The following UNC5C variants were observed in gnomAD, a reference collection of about 807,000 sequenced individuals.
The protein encoded by UNC5C is unc-5 netrin receptor C, also known as netrin receptor UNC5C.
UNC5C carries 47 observed loss-of-function variants against 99.8 expected under a neutral mutation model. That is an observed-to-expected ratio of 0.47 (90% CI 0.37 to 0.60). The LOEUF is 0.60. UNC5C is among the 20% of genes least tolerant of loss of function. UNC5C has a pLI of 0.00. For synonymous variants in UNC5C, 487 were observed against 452.2 expected, an observed-to-expected ratio of 1.08 and a Z score of -0.98; for missense variants, 1,062 against 1,165.9, an observed-to-expected ratio of 0.91 and a Z score of 1.30.
chr4:95,294,618 G>A (rs922420368), intron 3 of UNC5C, among the ~76,000 whole-genome samples: 10 of 152,156 alleles, frequency 6.6e-5, no homozygotes, highest in Non-Finnish European at 1.5e-4. Flanking sequence ...AGAAGGGGTT[G>A]GAAATTACAG....
At chr4:95,413,088 C>T (rs1440726027) in intron 1 of UNC5C, among the ~76,000 whole-genome samples, 1 of 152,160 alleles carries the variant, frequency 6.6e-6, no homozygotes, top group Non-Finnish European at 1.5e-5. Flanking sequence ...CTCTGATAAA[C>T]TCACCTTCCC....
rs1745449079 is a variant in UNC5C at position 95,394,369 on chromosome 4, A to C, written c.125-58738T>G. Among the ~76,000 whole-genome samples the C allele has an allele frequency of 2.0e-5, 3 of 152,210 alleles. No homozygotes were observed. The South Asian group carries it at 6.2e-4, about 31-fold the overall frequency. On this transcript the variant is annotated intron_variant, in intron 1 of 15. Coordinates refer to ENST00000453304, the MANE Select transcript of UNC5C (RefSeq NM_003728.4). ...TCAGATCCTCCTTATTCTAGAAATA[A>C]AGTGCATCTAATTGGAAAACTCCTC...
chr4:95,379,533 G>A (rs569057449), intron 1 of UNC5C, among the ~76,000 whole-genome samples: 80 of 152,200 alleles, frequency 5.3e-4, no homozygotes, highest in Admixed American at 7.2e-4. Flanking sequence ...TTCCCCAAGC[G>A]GAGTATCCTG....
At chr4:95,486,497 TC>T (rs1179397349) in intron 1 of UNC5C, among the ~76,000 whole-genome samples, 2 of 151,634 alleles carry the variant, frequency 1.3e-5, no homozygotes, top group Non-Finnish European at 1.5e-5. Context: ...CACACTGGTT[TC>T]CCAAGTATAT....
At chr4:95,226,007 G>A (rs973927450) in intron 7 of UNC5C, among the ~76,000 whole-genome samples, 2 of 152,280 alleles carry the variant, frequency 1.3e-5, no homozygotes, top group African/African-American at 2.4e-5. Flanking sequence ...CATCTGATCC[G>A]TCTCTCACGG....
chr4:95,259,042 T>G (rs2149385706), intron 4 of UNC5C, among the ~76,000 whole-genome samples: 2 of 151,888 alleles, frequency 1.3e-5, no homozygotes, highest in South Asian at 4.2e-4. Context: ...ATTACAGGCG[T>G]GAGCCACCGC....
At chr4:95,177,121 C>T (rs1736394618) in intron 14 of UNC5C, among the ~76,000 whole-genome samples, 1 of 152,212 alleles carries the variant, frequency 6.6e-6, no homozygotes, top group South Asian at 2.1e-4. Context: ...TGCGCGCACC[C>T]ACTGACCTGC....
At chr4:95,222,588 G>A (rs1738511457) in intron 7 of UNC5C, among the ~76,000 whole-genome samples, 1 of 152,068 alleles carries the variant, frequency 6.6e-6, no homozygotes. Context: ...ATTAGCATAA[G>A]GAAAATCTTT....
At chr4:95,299,254 A>G (rs1260818371) in intron 3 of UNC5C, among the ~76,000 whole-genome samples, 1 of 152,204 alleles carries the variant, frequency 6.6e-6, no homozygotes, top group Non-Finnish European at 1.5e-5. Flanking sequence ...CACACAGAGT[A>G]AAGACTATGT....
In UNC5C at chr4:95,548,871, G is replaced by A. The variant is rs780115996; in HGVS notation, c.-14C>T. 12 of 1,612,038 alleles carry A rather than the reference G, an allele frequency of 7.4e-6. No homozygotes were observed. The highest frequency in any genetic ancestry group is 5.3e-5 in the African/African-American group (4 of 74,872). ...ACCTTTCCTCATCGTAGACAGAGGT[G>A]TGCCGGGGGGAGGGGAGGGGGACAG... is the stretch of plus-strand genomic sequence containing the variant. On this transcript the variant is annotated 5_prime_UTR_variant, in exon 1 of 16. Coordinates refer to ENST00000453304, the MANE Select transcript of UNC5C (RefSeq NM_003728.4).
intron 1 of UNC5C, among the ~76,000 whole-genome samples, chr4:95,414,883 T>C (rs1050903828): frequency 2.0e-5 from 3 of 152,228 alleles, no homozygotes; most frequent in Non-Finnish European, 4.4e-5. Flanking sequence ...TGGATAATTA[T>C]GCTGAAAAGA....
chr4:95,422,449 A>G (rs1051477172), intron 1 of UNC5C, among the ~76,000 whole-genome samples: 4 of 152,098 alleles, frequency 2.6e-5, no homozygotes, highest in African/African-American at 9.7e-5. Context: ...TCCCATTTCA[A>G]TTAGGGTCTT....
chr4:95,352,248 G>A (rs1040421908), intron 1 of UNC5C, among the ~76,000 whole-genome samples: 1 of 152,112 alleles, frequency 6.6e-6, no homozygotes, highest in African/African-American at 2.4e-5. Context: ...TCAAGGCCAT[G>A]CTCCAGACAG....
intron 1 of UNC5C, among the ~76,000 whole-genome samples, chr4:95,440,863 A>ATC (rs1746930122): frequency 1.3e-5 from 2 of 152,228 alleles, no homozygotes; most frequent in South Asian, 4.1e-4. Flanking sequence ...TTACATCACA[A>ATC]TTTTCATCTT....
chr4:95,290,913 G>C (rs763190807), intron 3 of UNC5C, among the ~76,000 whole-genome samples: 1 of 152,084 alleles, frequency 6.6e-6, no homozygotes, highest in Non-Finnish European at 1.5e-5. Flanking sequence ...GGTAAGCTTG[G>C]TAATTTCTTC....
chr4:95,205,972 C>G (rs35935682), intron 11 of UNC5C, among the ~76,000 whole-genome samples: 1,806 of 151,650 alleles, frequency 0.012, 23 homozygotes, highest in Admixed American at 0.019. Flanking sequence ...ATGTTTCTGA[C>G]CTGCAAATTA....
chr4:95,294,441 G>A (rs1183874709), intron 3 of UNC5C, among the ~76,000 whole-genome samples: 1 of 152,178 alleles, frequency 6.6e-6, no homozygotes, highest in Non-Finnish European at 1.5e-5. Flanking sequence ...GCTTTGTGAT[G>A]CTGGCTGTGA....
intron 4 of UNC5C, among the ~76,000 whole-genome samples, chr4:95,253,082 A>G (rs1739804135): frequency 6.6e-6 from 1 of 152,152 alleles, no homozygotes; most frequent in African/African-American, 2.4e-5. Context: ...CACATTCTGT[A>G]TAAGGAACAT....
chr4:95,247,907 ATGT>A (rs1420600119), intron 5 of UNC5C: 5 of 152,302 alleles, frequency 3.3e-5, no homozygotes, highest in Admixed American at 3.3e-4. Context: ...TGCATTTCAA[ATGT>A]TGTTAATCAA....
Sources: allele counts gnomAD v4.1 joint callset (sites outside exome capture counted in the v4.1 genomes callset), GRCh38; gene constraint gnomAD v4.1.1; transcripts MANE v1.5; gene names NCBI Gene and HGNC (gene_info 2026-07-23, HGNC 2026-07-21).